Variants in DPF3 observed in about 807,000 individuals in gnomAD.
DPF3 encodes zinc finger protein DPF3.
DPF3 carries 18 observed loss-of-function variants against 56.8 expected under a neutral mutation model. The observed-to-expected ratio is 0.32, with a 90% CI of 0.22 to 0.47. The LOEUF (loss-of-function observed/expected upper bound fraction) is 0.47. DPF3 is among the 20% of genes least tolerant of loss of function. The pLI is 1.00. For synonymous variants in DPF3, 188 were observed against 180.2 expected, an observed-to-expected ratio of 1.04 and a Z score of -0.35; for missense variants, 403 against 488.8, an observed-to-expected ratio of 0.82 and a Z score of 1.65.
intron 3 of DPF3, among the ~76,000 whole-genome samples, chr14:72,740,464 A>G (rs1351843534): frequency 1.3e-5 from 2 of 152,268 alleles, no homozygotes; most frequent in Non-Finnish European, 2.9e-5. Context: ...CTCTGTCCTC[A>G]TGGTACTAAT....
At chr14:72,838,136 C>T in intron 1 of DPF3, among the ~76,000 whole-genome samples, 1 of 152,180 alleles carries the variant, frequency 6.6e-6, no homozygotes, top group Admixed American at 6.5e-5. Context: ...CCAGCTAACC[C>T]CTCCAGTCAA....
intron 1 of DPF3, among the ~76,000 whole-genome samples, chr14:72,857,732 A>G (rs1466747016): frequency 6.6e-6 from 1 of 152,010 alleles, no homozygotes; most frequent in Non-Finnish European, 1.5e-5. Context: ...GACTACAGGC[A>G]CACGCCACCA....
intron 8 of DPF3, among the ~76,000 whole-genome samples, chr14:72,650,135 C>T (rs1885862820): frequency 6.6e-6 from 1 of 152,038 alleles, no homozygotes; most frequent in Non-Finnish European, 1.5e-5. Context: ...CCACACTGCC[C>T]TTGAGGGAAA....
chr14:72,865,366 GC>G (rs1218462106), intron 1 of DPF3, among the ~76,000 whole-genome samples: 4 of 152,216 alleles, frequency 2.6e-5, no homozygotes, highest in African/African-American at 9.6e-5. Flanking sequence ...ATAAAACCAG[GC>G]CATGGGAGCA....
At chr14:72,871,020 C>A (rs534597244) in intron 1 of DPF3, among the ~76,000 whole-genome samples, 1 of 143,070 alleles carries the variant, frequency 7.0e-6, no homozygotes, top group South Asian at 2.1e-4. Context: ...AGGTGAAAGG[C>A]ACTTCTTACA....
chr14:72,861,769 A>AAGAAAG (rs1885435376), intron 1 of DPF3, among the ~76,000 whole-genome samples: 1 of 149,588 alleles, frequency 6.7e-6, no homozygotes, highest in Non-Finnish European at 1.5e-5. Context: ...GAAAGAAAGA[A>AAGAAAG]AGAAAGAAAG....
intron 6 of DPF3, among the ~76,000 whole-genome samples, chr14:72,712,780 T>C (rs780616442): frequency 7.9e-5 from 12 of 152,208 alleles, no homozygotes; most frequent in Non-Finnish European, 1.6e-4. Flanking sequence ...GGCAGGAGGA[T>C]GGCTTGAGTC....
chr14:72,692,787 C>T (rs954479715), intron 7 of DPF3, among the ~76,000 whole-genome samples: 1 of 152,194 alleles, frequency 6.6e-6, no homozygotes, highest in African/African-American at 2.4e-5. Flanking sequence ...GGTCTGGCAT[C>T]TGACAGTGGC....
At chr14:72,701,664 C>CT (rs1254397500) in intron 6 of DPF3, among the ~76,000 whole-genome samples, 1 of 152,222 alleles carries the variant, frequency 6.6e-6, no homozygotes, top group East Asian at 1.9e-4. Context: ...CCACTGATAA[C>CT]TTAATGACTC....
chr14:72,732,800 GTTTCTTTCT>G (rs943268931), intron 3 of DPF3, among the ~76,000 whole-genome samples: 2 of 152,080 alleles, frequency 1.3e-5, no homozygotes, highest in Admixed American at 1.3e-4. Context: ...GGGTTGGTGT[GTTTCTTTCT>G]TTTCTTTCTT....
chr14:72,721,514 G>T (rs1001481686), intron 5 of DPF3, among the ~76,000 whole-genome samples: 2 of 152,184 alleles, frequency 1.3e-5, no homozygotes, highest in African/African-American at 4.8e-5. Context: ...TCCCCTCCGT[G>T]AATGGGTCTA....
chr14:72,733,074 G>C (rs569513456), intron 3 of DPF3, among the ~76,000 whole-genome samples: 1 of 152,182 alleles, frequency 6.6e-6, no homozygotes, highest in Non-Finnish European at 1.5e-5. Context: ...TGGGGTTATA[G>C]GCATGAGCCA....
chr14:72,730,533 G>A (rs749795912), intron 4 of DPF3, among the ~76,000 whole-genome samples: 50 of 152,112 alleles, frequency 3.3e-4, no homozygotes, highest in Non-Finnish European at 6.5e-4. Context: ...GAAAGGCCCC[G>A]GGGACACTGG....
At chr14:72,862,683 C>T (rs980842372) in intron 1 of DPF3, among the ~76,000 whole-genome samples, 1 of 152,128 alleles carries the variant, frequency 6.6e-6, no homozygotes, top group African/African-American at 2.4e-5. Flanking sequence ...ACCTCTGGAC[C>T]TTTGCACCTG....
intron 1 of DPF3, among the ~76,000 whole-genome samples, chr14:72,818,154 T>A (rs1258693399): frequency 6.6e-6 from 1 of 151,094 alleles, no homozygotes; most frequent in Admixed American, 6.6e-5. Context: ...GGCACAAGAA[T>A]CCCTTGAACC....
chr14:72,681,729 T>C (rs1887172383), intron 7 of DPF3, among the ~76,000 whole-genome samples: 1 of 152,202 alleles, frequency 6.6e-6, no homozygotes, highest in Admixed American at 6.5e-5. Flanking sequence ...GATGGATATA[T>C]TTGGTGAGAG....
At chr14:72,862,496 A>C (rs964553167) in intron 1 of DPF3, among the ~76,000 whole-genome samples, 1 of 152,114 alleles carries the variant, frequency 6.6e-6, no homozygotes, top group Non-Finnish European at 1.5e-5. Flanking sequence ...CACGTGGTCC[A>C]AGTCACTGCC....
chr14:72,789,958 A>G (rs1043728018), intron 1 of DPF3, among the ~76,000 whole-genome samples: 1 of 151,074 alleles, frequency 6.6e-6, no homozygotes, highest in Non-Finnish European at 1.5e-5. Context: ...ACTATCAAAA[A>G]TTATTTTATA....
intron 7 of DPF3, among the ~76,000 whole-genome samples, chr14:72,688,062 C>T (rs1353269239): frequency 6.6e-6 from 1 of 151,484 alleles, no homozygotes; most frequent in Non-Finnish European, 1.5e-5. Flanking sequence ...CCTATTTATG[C>T]CTGTCCTCCC....
Sources: gnomAD v4.1 joint callset for allele counts (sites outside exome capture counted in the v4.1 genomes callset) on GRCh38, gnomAD v4.1.1 for gene constraint, MANE v1.5 for transcripts, NCBI Gene and HGNC (gene_info 2026-07-23, HGNC 2026-07-21) for gene names.